Variants in GGA1 observed in about 807,000 individuals in gnomAD.
GGA1 encodes the protein ADP-ribosylation factor-binding protein GGA1.
GGA1 carries 18 observed loss-of-function variants against 76.9 expected under a neutral mutation model. The observed-to-expected ratio is 0.23, with a 90% CI of 0.16 to 0.35. The LOEUF is 0.35. Among genes scored for constraint, GGA1 ranks in the 10% least tolerant of loss-of-function variants. GGA1 has a pLI of 1.00. For missense variants in GGA1, 755 were observed against 859.0 expected (o/e 0.88, Z 1.51); for synonymous variants, 342 against 354.7 (o/e 0.96, Z 0.40).
At chr22:37,613,526 A>G (rs896409694) in intron 1 of GGA1, among the ~76,000 whole-genome samples, 1 of 152,002 alleles carries the variant, frequency 6.6e-6, no homozygotes, top group African/African-American at 2.4e-5. Flanking sequence ...TCAGCCTCCC[A>G]AGTAGCTGGG....
rs1930326415 is a variant in GGA1 at position 37,623,779 on chromosome 22, C to T, written c.832+146C>T. The T allele has an allele frequency of 3.2e-6, 2 of 628,316 alleles. No individual in the cohort carries two copies. Among genetic ancestry groups the T allele is most frequent in the Admixed American group, 2.7e-5 (1 of 36,928 alleles). 38.9% of individuals were successfully genotyped at this position (628,316 alleles called of 1,614,324 possible). On this transcript the variant is annotated intron_variant, in intron 9 of 16. Coordinates refer to ENST00000343632, the MANE Select transcript of GGA1 (RefSeq NM_013365.5). The surrounding 1 kb of genome is among the most constrained non-coding windows in gnomAD (Gnocchi z 4.6). ...TCTCCAGCACCGACCTTGGGTTTCT[C>T]CTCTCTGAGGACACAGAGCAGGGGC...
In GGA1 at chr22:37,632,547, G is replaced by A. The variant is rs1323016113; in HGVS notation, c.1809+32G>A. 2 of 1,584,024 alleles carry A rather than the reference G, an allele frequency of 1.3e-6. No individual in the cohort carries two copies. The highest frequency in any genetic ancestry group is 1.7e-5 in the Admixed American group (1 of 59,954). On this transcript the variant is annotated intron_variant, in intron 16 of 16. Coordinates refer to ENST00000343632, the MANE Select transcript of GGA1 (RefSeq NM_013365.5). The surrounding 1 kb of genome is among the most constrained non-coding windows in gnomAD (Gnocchi z 5.1). ...GGCCCCCAGGCAGTGCTGCAGGGTG[G>A]GGACGGCCACTTCTCCTCCTCTGAC...
chr22:37,610,417 C>T (rs919666303), intron 1 of GGA1: 1 of 152,078 alleles, frequency 6.6e-6, no homozygotes. Flanking sequence ...AATCTCAGCT[C>T]TCTGCAACCT....
rs1290483736 is a variant in GGA1, at chr22:37,632,334, G to C, written c.1699-71G>C. ...AGGATCCCCGGAGGGGAGCTGGCAG[G>C]CTGGGCCTGGTTCCTCAGAGCAGGA... On this transcript the variant is annotated intron_variant, in intron 15 of 16. Transcript: ENST00000343632. The surrounding 1 kb of genome is among the most constrained non-coding windows in gnomAD (Gnocchi z 5.1). The C allele has an allele frequency of 2.2e-6, 3 of 1,360,404 alleles. No individual in the cohort carries two copies. Among genetic ancestry groups the C allele is most frequent in the African/African-American group, 2.9e-5 (2 of 69,838 alleles). The allele number at this position is 1,360,404 out of a possible 1,614,324, so 84.3% of individuals were successfully genotyped here. A position where few individuals can be genotyped will look rare whatever the true frequency, so the allele number is the denominator to read the frequency against.
At chr22:37,629,256 G>A (rs1419774300) in intron 11 of GGA1, among the ~76,000 whole-genome samples, 9 of 152,232 alleles carry the variant, frequency 5.9e-5, no homozygotes, top group Non-Finnish European at 1.0e-4. Flanking sequence ...GGGGAAGCGT[G>A]TGTGGGGTCA....
At chr22:37,613,682 A>G (rs1280479492) in intron 1 of GGA1, among the ~76,000 whole-genome samples, 1 of 151,502 alleles carries the variant, frequency 6.6e-6, no homozygotes, top group Non-Finnish European at 1.5e-5. Context: ...TACAGGCATG[A>G]GCCACCGTGC....
At chr22:37,619,806 C>G in intron 4 of GGA1, 1 of 778,712 alleles carries the variant, frequency 1.3e-6, no homozygotes, top group Non-Finnish European at 2.4e-6. Context: ...ACAGGGGACT[C>G]TGCTGTGAGA....
intron 11 of GGA1, among the ~76,000 whole-genome samples, chr22:37,627,900 C>A (rs1056052091): frequency 6.6e-6 from 1 of 152,168 alleles, no homozygotes; most frequent in African/African-American, 2.4e-5. Flanking sequence ...GGAGGGTGTT[C>A]AGGCAGCCTT....
chr22:37,624,818 G>A lies in GGA1; in HGVS notation c.833-151G>A, dbSNP rs1930514081. ...GGTGAGACCAGGGAGGTGGCGGAGGGCCAGAGTCTCAGCAGACGAGATGGG... is the reference window on the plus strand; with the variant it reads ...GGTGAGACCAGGGAGGTGGCGGAGGACCAGAGTCTCAGCAGACGAGATGGG... On this transcript the variant is annotated intron_variant, in intron 9 of 16. Coordinates refer to ENST00000343632, the MANE Select transcript of GGA1 (RefSeq NM_013365.5). This position sits in a 1 kb window ranked among gnomAD's most constrained non-coding sequence, Gnocchi z 4.3. The A allele has an allele frequency of 9.4e-7, 1 of 1,065,764 alleles. No homozygotes were observed. The highest frequency in any genetic ancestry group is 1.3e-6 in the Non-Finnish European group (1 of 753,882). 66.0% of individuals were successfully genotyped at this position (1,065,764 alleles called of 1,614,324 possible). A position where few individuals can be genotyped will look rare whatever the true frequency, so the allele number is the denominator to read the frequency against.
At chr22:37,629,550 C>T in intron 12 of GGA1, 24 bp downstream of exon 12, 1 of 1,463,232 alleles carries the variant, frequency 6.8e-7, no homozygotes, top group South Asian at 1.2e-5. Context: ...ACAAACTAGT[C>T]TGGCCTGTCC....
intron 1 of GGA1, among the ~76,000 whole-genome samples, chr22:37,611,277 A>AGAAC (rs1369389425): frequency 8.6e-5 from 13 of 152,002 alleles, no homozygotes; most frequent in Non-Finnish European, 1.5e-5. Flanking sequence ...AGATCCAGAG[A>AGAAC]GAACATTCGT....
At chr22:37,618,369 C>A in intron 3 of GGA1, 79 bp from the exon 4 acceptor site, 1 of 795,936 alleles carries the variant, frequency 1.3e-6, no homozygotes, top group Non-Finnish European at 2.2e-6. Context: ...GGGCTTCTGG[C>A]CCCTGTCCAA....
chr22:37,610,766 C>T (rs1201549640), intron 1 of GGA1: 1 of 152,266 alleles, frequency 6.6e-6, no homozygotes, highest in Non-Finnish European at 1.5e-5. Context: ...TGAAACACCT[C>T]CCTCCCTCTC....
chr22:37,620,187 A>G, intron 4 of GGA1, 51 bp from the exon 5 acceptor site: 3 of 1,608,160 alleles, frequency 1.9e-6, no homozygotes, highest in Non-Finnish European at 2.6e-6. Flanking sequence ...CTTGAGACTG[A>G]AGTGAGTGGG....
In GGA1 at chr22:37,620,225, T is replaced by C. The variant is rs1345161084; in HGVS notation, c.304-13T>C. The C allele has an allele frequency of 5.0e-6, 8 of 1,613,722 alleles. No individual in the cohort carries two copies. The highest frequency in any genetic ancestry group is 5.9e-6 in the Non-Finnish European group (7 of 1,179,818). On this transcript the variant is annotated splice_polypyrimidine_tract_variant and intron_variant, in intron 4 of 16. Coordinates refer to ENST00000343632, the MANE Select transcript of GGA1 (RefSeq NM_013365.5). ...TGGGCAGTATCAAAGGCCTCCCCAC[T>C]GTGTCCCTGAAGTATCTGGGCTCTC...
Position 37,625,931 on chromosome 22 carries a change from G to A in GGA1, c.1075G>A (p.Asp359Asn), listed in dbSNP as rs781305884. Reference protein sequence around the residue: ...QPSASVSLLDDELMSLGLSDP... With the variant: ...QPSASVSLLDNELMSLGLSDP... ...CAGTGCCTCAGTTTCCCTGCTTGAC[G>A]ACGAGCTCATGTCTCTGGGTGAGGA... The change falls in exon 11 of 17, where the codon GAC becomes AAC. Residue 359 changes from aspartate (D) to asparagine (N), a missense_variant. Physicochemically the swap from Asp to Asn is conservative, Grantham distance 23. Transcript: ENST00000343632. The surrounding 1 kb of genome is among the most constrained non-coding windows in gnomAD (Gnocchi z 4.1). The A allele has an allele frequency of 6.9e-6, 11 of 1,596,772 alleles. No homozygotes were observed. The highest frequency in any genetic ancestry group is 6.7e-5 in the East Asian group (3 of 44,614).
chr22:37,610,281 G>C (rs1465487095), intron 1 of GGA1: 2 of 152,206 alleles, frequency 1.3e-5, no homozygotes, highest in African/African-American at 4.8e-5. Context: ...TTCCCCCTTT[G>C]TGTCCTAGCA....
chr22:37,629,348 T>C, intron 11 of GGA1, 114 bp from the exon 12 acceptor site: 1 of 709,842 alleles, frequency 1.4e-6, no homozygotes. Flanking sequence ...CTCCCCTCCG[T>C]GCTGAGCCTC....
At chr22:37,613,969 T>C (rs905114180) in intron 1 of GGA1, 2 of 528,472 alleles carry the variant, frequency 3.8e-6, no homozygotes, top group African/African-American at 3.8e-5. Flanking sequence ...CTGACCATAG[T>C]CTCTAAAAGT....
Sources: allele counts gnomAD v4.1 joint callset (sites outside exome capture counted in the v4.1 genomes callset), GRCh38; gene constraint gnomAD v4.1.1; non-coding constraint Gnocchi (gnomAD v3.1); transcripts MANE v1.5; gene names NCBI Gene and HGNC (gene_info 2026-07-23, HGNC 2026-07-21).